DICER1: variants seen among roughly 807,000 people sequenced by gnomAD.
The protein encoded by DICER1 is dicer 1, ribonuclease III, also known as endoribonuclease Dicer.
A neutral mutation model predicts 194.1 loss-of-function variants in DICER1; 43 were observed. The ratio of observed to expected loss-of-function variants is 0.22; its 90% CI spans 0.17 to 0.29. The LOEUF (loss-of-function observed/expected upper bound fraction) is 0.29. Among genes scored for constraint, DICER1 ranks in the 10% least tolerant of loss-of-function variants. The probability of loss-of-function intolerance (pLI) is 1.00; values close to 1 mark genes in which losing one functional copy is unlikely to be tolerated. For missense variants in DICER1, 1,608 were observed against 2,317.0 expected, an observed-to-expected ratio of 0.69 and a Z score of 6.28; for synonymous variants, 832 against 820.5, an observed-to-expected ratio of 1.01 and a Z score of -0.24.
chr14:95,139,681 T>C (rs1392370881), intron 1 of DICER1, among the ~76,000 whole-genome samples: 1 of 152,160 alleles, frequency 6.6e-6, no homozygotes, highest in Non-Finnish European at 1.5e-5. Flanking sequence ...CACACAATAA[T>C]ATACAGAACA....
chr14:95,145,767 A>C (rs1439711608), intron 1 of DICER1, among the ~76,000 whole-genome samples: 1 of 152,026 alleles, frequency 6.6e-6, no homozygotes, highest in East Asian at 1.9e-4. Context: ...TTTACTTTTA[A>C]TTGTCATTTG....
intron 1 of DICER1, chr14:95,134,317 T>C (rs1405439341): frequency 6.6e-6 from 1 of 152,186 alleles, no homozygotes; most frequent in African/African-American, 2.4e-5. Flanking sequence ...ACAGATAAAT[T>C]TGATTATGTA....
chr14:95,115,944 G>A (rs577817620), intron 10 of DICER1, 123 bp from the exon 11 acceptor site: 1 of 927,242 alleles, frequency 1.1e-6, no homozygotes, highest in African/African-American at 1.6e-5. Flanking sequence ...ACATACTTCA[G>A]TACTCCAAAG....
rs112795042 is a variant in DICER1 at position 95,090,332 on chromosome 14, T to C, written c.*166A>G. On this transcript the variant is annotated 3_prime_UTR_variant, in exon 27 of 27. Transcript: ENST00000343455. ...AATTAGTTCCAAAATTTTATACATA[T>C]GTTAAATGTTTTATTCTGTTATCTA... 7,364 of 738,194 alleles carry C rather than the reference T, an allele frequency of 1.0e-2. 43 individuals are homozygous for C. The highest frequency in any genetic ancestry group is 0.014 in the Non-Finnish European group (6,472 of 451,884). The allele number at this position is 738,194 out of a possible 1,614,324, so 45.7% of individuals were successfully genotyped here. A position where few individuals can be genotyped will look rare whatever the true frequency, so the allele number is the denominator to read the frequency against.
At chr14:95,096,917 G>A (rs1211583946) in intron 22 of DICER1, among the ~76,000 whole-genome samples, 1 of 152,150 alleles carries the variant, frequency 6.6e-6, no homozygotes, top group Admixed American at 6.5e-5. Flanking sequence ...CATGTTCTTT[G>A]AATGTTCGTT....
chr14:95,111,363 G>A lies in DICER1; in HGVS notation c.2210C>T (p.Pro737Leu), dbSNP rs1595391071. ...TCGTTTCGTGGAACCTGGTCTTCCT[G>A]GAACACTGGTCTCTTCTTCATCATG... ...DLHDEEETSV[P>L]GRPGSTKRRQ... The change falls in exon 14 of 27, where the codon CCA becomes CTA. Residue 737 changes from proline (P) to leucine (L), a missense_variant. Pro to Leu is a moderately conservative substitution (Grantham distance 98). Coordinates refer to ENST00000343455, the MANE Select transcript of DICER1 (RefSeq NM_177438.3). 5 of 1,614,158 alleles carry A rather than the reference G, an allele frequency of 3.1e-6. No homozygotes were observed. Among genetic ancestry groups the A allele is most frequent in the Non-Finnish European group, 3.4e-6 (4 of 1,180,006 alleles).
chr14:95,098,404 AGT>A lies in DICER1; in HGVS notation c.4206+1374_4206+1375del, dbSNP rs1368374708. Among the ~76,000 whole-genome samples, 4 of 152,336 alleles carry A rather than the reference AGT, an allele frequency of 2.6e-5. No homozygotes were observed. In the East Asian group the frequency reaches 7.7e-4, roughly 29 times the overall value. ...TGGCAATGCAACCAGCCAAAACCAC[AGT>A]GTATCTTTTCAATATAATGCAAGGG... On this transcript the variant is annotated intron_variant, in intron 22 of 26. Coordinates refer to ENST00000343455, the MANE Select transcript of DICER1 (RefSeq NM_177438.3).
intron 26 of DICER1, 39 bp from the exon 27 acceptor site, chr14:95,090,702 G>A: frequency 6.2e-7 from 1 of 1,610,188 alleles, no homozygotes; most frequent in East Asian, 2.2e-5. Flanking sequence ...GAAGTCAGAA[G>A]TATTTATTAT....
In DICER1 at chr14:95,149,931, C is replaced by A. The variant is rs574632227; in HGVS notation, c.-46+7299G>T. ...CCAAGTCCAAAAGAATAATTCGAGG[C>A]TAACTAGAAACTGTCAAAGCTAGAG... On this transcript the variant is annotated intron_variant, in intron 1 of 26. Transcript: ENST00000343455. Among the ~76,000 whole-genome samples the A allele has an allele frequency of 2.0e-5, 3 of 152,320 alleles. No individual in the cohort carries two copies. In the East Asian group the frequency reaches 5.8e-4, roughly 29 times the overall value.
chr14:95,099,722 C>A, intron 22 of DICER1, 58 bp downstream of exon 22: 1 of 1,540,144 alleles, frequency 6.5e-7, no homozygotes, highest in Non-Finnish European at 8.7e-7. Context: ...AAAAGTAAAT[C>A]CCTCCAGTTA....
chr14:95,157,152 C>A (rs1895946679), intron 1 of DICER1, 78 bp downstream of exon 1: 1 of 149,818 alleles, frequency 6.7e-6, no homozygotes, highest in Non-Finnish European at 1.5e-5. Flanking sequence ...CGCGGGCCTC[C>A]GCGCGGAGGC....
At chr14:95,104,474 G>C (rs1024128318) in intron 20 of DICER1, among the ~76,000 whole-genome samples, 1 of 152,170 alleles carries the variant, frequency 6.6e-6, no homozygotes, top group Non-Finnish European at 1.5e-5. Context: ...AACTCTCTGT[G>C]CCTCAGCTTC....
chr14:95,101,520 C>A (rs1890875525), intron 21 of DICER1, among the ~76,000 whole-genome samples: 1 of 152,186 alleles, frequency 6.6e-6, no homozygotes, highest in Admixed American at 6.5e-5. Flanking sequence ...TATCTGAATC[C>A]TACAGCCTCA....
chr14:95,112,085 T>C (rs1892017310), intron 13 of DICER1, 87 bp downstream of exon 13: 2 of 1,153,182 alleles, frequency 1.7e-6, no homozygotes, highest in Admixed American at 1.8e-5. Context: ...ACAAAATCCT[T>C]ACAGATCTAT....
chr14:95,106,530 T>G (rs1427293860), intron 17 of DICER1, among the ~76,000 whole-genome samples: 1 of 152,108 alleles, frequency 6.6e-6, no homozygotes. Flanking sequence ...GTATAAAAAA[T>G]TTACACTATC....
At chr14:95,135,358 G>A (rs966084572) in intron 1 of DICER1, among the ~76,000 whole-genome samples, 1 of 152,130 alleles carries the variant, frequency 6.6e-6, no homozygotes, top group African/African-American at 2.4e-5. Flanking sequence ...AAACAAAGGA[G>A]AAAAGAGGGC....
chr14:95,105,465 A>T lies in DICER1; in HGVS notation c.3093+213T>A, dbSNP rs935860429. 3.3e-5 allele frequency among the ~76,000 whole-genome samples: 5 copies of T among 152,250 alleles called. No individual in the cohort carries two copies. On this transcript the variant is annotated intron_variant, in intron 19 of 26. Transcript: ENST00000343455. This position sits in a 1 kb window ranked among gnomAD's most constrained non-coding sequence, Gnocchi z 4.9. The stretch of plus-strand genomic sequence containing the variant: ...ATATTAATGGGCCAAGTATAAAAAC[A>T]AAACTCTCAATACTTACCAAAAAGA...
chr14:95,094,265 C>T (rs1409122570), intron 23 of DICER1, 109 bp from the exon 24 acceptor site: 4 of 1,373,824 alleles, frequency 2.9e-6, no homozygotes, highest in Non-Finnish European at 4.1e-6. Context: ...CAATCATTTT[C>T]ATACATATAT....
At chr14:95,122,585 A>T (rs1433115591) in intron 8 of DICER1, among the ~76,000 whole-genome samples, 3 of 152,194 alleles carry the variant, frequency 2.0e-5, no homozygotes, top group Non-Finnish European at 4.4e-5. Flanking sequence ...GGAAACTAGG[A>T]GTCAGGATAT....
Sources: gnomAD v4.1 joint callset for allele counts (sites outside exome capture counted in the v4.1 genomes callset) on GRCh38, gnomAD v4.1.1 for gene constraint, Gnocchi (gnomAD v3.1) non-coding constraint, MANE v1.5 for transcripts, NCBI Gene and HGNC (gene_info 2026-07-23, HGNC 2026-07-21) for gene names.